NOTCH3: variants seen among roughly 807,000 people sequenced by gnomAD.
The protein encoded by NOTCH3 is neurogenic locus notch homolog protein 3.
NOTCH3 carries 86 observed loss-of-function variants against 213.3 expected under a neutral mutation model. The ratio of observed to expected loss-of-function variants is 0.40; its 90% CI spans 0.34 to 0.48. NOTCH3 has a LOEUF of 0.48. NOTCH3 is among the 20% of genes least tolerant of loss of function. NOTCH3 has a pLI of 0.57. For synonymous variants in NOTCH3, 1,354 were observed against 1,355.9 expected (o/e 1.00, Z 0.03); for missense variants, 2,783 against 3,272.6 (o/e 0.85, Z 3.65).
rs752977489 is a variant in NOTCH3 at position 15,161,624 on chromosome 19, C to T, written c.6004G>A (p.Asp2002Asn). 43 of 1,613,312 alleles carry T rather than the reference C, an allele frequency of 2.7e-5. No individual in the cohort carries two copies. The highest frequency in any genetic ancestry group is 4.4e-5 in the South Asian group (4 of 90,888). The change falls in exon 33 of 33, where the codon GAC becomes AAC. Residue 2002 changes from aspartate to asparagine, a missense_variant. Coordinates refer to ENST00000263388, the MANE Select transcript of NOTCH3 (RefSeq NM_000435.3). ...TCCCGCGGCAGCCTGTCCAGGTGGT[C>T]GGTGATCTCACGGTTGGCAAAGTGG... Reference protein sequence around the residue: ...LDHFANREITDHLDRLPRDVA... With the variant: ...LDHFANREITNHLDRLPRDVA...
chr19:15,186,890 G>C lies in NOTCH3; in HGVS notation c.1939C>G (p.Pro647Ala), dbSNP rs774799703. ...GCCACTTGCCCACCTGTGAAGCCAG[G>C]TTGGCAGACACAGTCGTAGCGGTTG... ...GINRYDCVCQ[P>A]GFTGPLCNVE... The change falls in exon 12 of 33, where the codon CCT (proline) becomes GCT (alanine). Residue 647 changes from proline (P) to alanine (A), a missense_variant. Pro to Ala is a conservative substitution (Grantham distance 27, BLOSUM62 -1). Transcript: ENST00000263388. 6.2e-7 allele frequency: 1 copy of C among 1,614,110 alleles called. No individual in the cohort carries two copies.
intron 1 of NOTCH3, 25 bp downstream of exon 1, chr19:15,200,763 C>G (rs770676431): frequency 1.6e-6 from 2 of 1,281,506 alleles, no homozygotes; most frequent in Non-Finnish European, 2.0e-6. Context: ...GCCCTCGTCC[C>G]ATCCGCCAGG....
rs1275632781 is a variant in NOTCH3, at chr19:15,174,126, G to A, written c.4678C>T (p.Arg1560Trp). ...CGGGGTTCGGAGCCAGGACTAGGCC[G>A]GTGGTAAGGGAAGACCATGGCCTGG... is the stretch of plus-strand genomic sequence containing the variant. ...HGQAMVFPYH[R>W]PSPGSEPRAR... Residue 1560 changes from arginine (R) to tryptophan (W), a missense_variant, in exon 25 of 33, where the codon CGG (arginine) becomes TGG (tryptophan). Physicochemically the swap from Arg to Trp is moderately radical, Grantham distance 101. Transcript: ENST00000263388. The A allele has an allele frequency of 1.2e-6, 2 of 1,604,138 alleles. No individual in the cohort carries two copies. The highest frequency in any genetic ancestry group is 8.5e-7 in the Non-Finnish European group (1 of 1,174,134).
Position 15,177,833 on chromosome 19 carries a change from C to A in NOTCH3, c.4095G>T (p.Gln1365His), listed in dbSNP as rs2145415099. ...CCTCGCAGCGCGGCCCGGTCCAGCCCTGCGCGCAAGCGCAGCGGAAGAAGG... is the reference window on the plus strand; with the variant it reads ...CCTCGCAGCGCGGCCCGGTCCAGCCATGCGCGCAAGCGCAGCGGAAGAAGG... ...LAPFFRCACA[Q>H]GWTGPRCEAP... Residue 1365 changes from glutamine to histidine, a missense_variant, in exon 24 of 33, where the codon CAG becomes CAT. Gln to His is a conservative substitution (Grantham distance 24). Coordinates refer to ENST00000263388, the MANE Select transcript of NOTCH3 (RefSeq NM_000435.3). 8.2e-7 allele frequency: 1 copy of A among 1,223,664 alleles called. No individual in the cohort carries two copies. The highest frequency in any genetic ancestry group is 1.0e-6 in the Non-Finnish European group (1 of 984,758). 75.8% of individuals were successfully genotyped at this position (1,223,664 alleles called of 1,614,324 possible). A position where few individuals can be genotyped will look rare whatever the true frequency, so the allele number is the denominator to read the frequency against.
Position 15,170,516 on chromosome 19 carries a change from C to A in NOTCH3, c.4929G>T (p.Leu1643=), listed in dbSNP as rs1434405350. The change falls in exon 27 of 33, where the codon CTG becomes CTT. Residue 1643 remains leucine (L), a synonymous_variant. Coordinates refer to ENST00000263388, the MANE Select transcript of NOTCH3 (RefSeq NM_000435.3). ...PLEPPEPSVP[L]LPLLVAGAVL... ...CAGCGCCCGCCACTAGCAGTGGCAGCAGCGGGACGCTGGGTTCTGGAGGCT... is the reference window on the plus strand; with the variant it reads ...CAGCGCCCGCCACTAGCAGTGGCAGAAGCGGGACGCTGGGTTCTGGAGGCT... The A allele has an allele frequency of 6.2e-7, 1 of 1,610,228 alleles. No individual in the cohort carries two copies. The highest frequency in any genetic ancestry group is 8.5e-7 in the Non-Finnish European group (1 of 1,179,930).
intron 27 of NOTCH3, 59 bp from the exon 28 acceptor site, chr19:15,170,229 G>A (rs2145399615): frequency 6.6e-7 from 1 of 1,507,710 alleles, no homozygotes. Context: ...CAGCTGGGAA[G>A]GAGGATTTGG....
Position 15,165,624 on chromosome 19 carries a change from T to C in NOTCH3, c.5668-109A>G, listed in dbSNP as rs1435200504. On this transcript the variant is annotated intron_variant, in intron 30 of 32. Coordinates refer to ENST00000263388, the MANE Select transcript of NOTCH3 (RefSeq NM_000435.3). The surrounding 1 kb of genome is among the most constrained non-coding windows in gnomAD (Gnocchi z 4.7). ...AACCCCCATACCCCAACCCCTGAAA[T>C]TGGTGAGGTTCAGGGAGCAGCTGCT... The C allele has an allele frequency of 1.1e-5, 9 of 847,144 alleles. No individual in the cohort carries two copies. Among genetic ancestry groups the C allele is most frequent in the South Asian group, 1.4e-5 (1 of 69,598 alleles). 52.5% of individuals were successfully genotyped at this position (847,144 alleles called of 1,614,324 possible). A position where few individuals can be genotyped will look rare whatever the true frequency, so the allele number is the denominator to read the frequency against.
At chr19:15,173,054 CTCTTCTTCTTCTTCT>C (rs1219069116) in intron 25 of NOTCH3, among the ~76,000 whole-genome samples, 2 of 5,526 alleles carry the variant, frequency 3.6e-4, no homozygotes, top group African/African-American at 1.9e-3. Context: ...TCCCTCCTCC[CTCTTCTTCTTCTTCT>C]TCTTCTTCTT....
At chr19:15,197,599 G>GT in intron 1 of NOTCH3, 21 bp from the exon 2 acceptor site, 2 of 1,609,222 alleles carry the variant, frequency 1.2e-6, no homozygotes, top group Non-Finnish European at 1.7e-6. Flanking sequence ...GTGAAGGAAG[G>GT]TGGAGGATCA....
intron 27 of NOTCH3, 37 bp from the exon 28 acceptor site, chr19:15,170,207 A>ACCT: frequency 6.5e-7 from 1 of 1,533,190 alleles, no homozygotes; most frequent in Non-Finnish European, 9.0e-7. Context: ...TGAGGGGGAC[A>ACCT]CTAGAGGTGT....
chr19:15,174,391 G>A lies in NOTCH3; in HGVS notation c.4413C>T (p.Tyr1471=), dbSNP rs920286007. 78 of 1,526,706 alleles carry A rather than the reference G, an allele frequency of 5.1e-5. No homozygotes were observed. The highest frequency in any genetic ancestry group is 6.6e-5 in the Non-Finnish European group (75 of 1,131,530). 94.6% of individuals were successfully genotyped at this position (1,526,706 alleles called of 1,614,324 possible). The part of the protein sequence containing the change: ...GGRERTCNPV[Y]EKYCADHFAD... ...CAAAGTGGTCGGCGCAGTACTTCTC[G>A]TACACCGGGCTGGTGGGGAAGGGTG... The change falls in exon 25 of 33, where the codon TAC becomes TAT. Residue 1471 remains tyrosine (Y), a synonymous_variant. Coordinates refer to ENST00000263388, the MANE Select transcript of NOTCH3 (RefSeq NM_000435.3).
chr19:15,174,383 T>G lies in NOTCH3; in HGVS notation c.4421A>C (p.Tyr1474Ser), dbSNP rs2046769561. ...ERTCNPVYEK[Y>S]CADHFADGRC... is the part of the protein sequence containing the mutation. Reference sequence around the variant, plus strand: ...GCCGTCGGCAAAGTGGTCGGCGCAGTACTTCTCGTACACCGGGCTGGTGGG... The same window carrying G: ...GCCGTCGGCAAAGTGGTCGGCGCAGGACTTCTCGTACACCGGGCTGGTGGG... The change falls in exon 25 of 33, where the codon TAC becomes TCC. Residue 1474 changes from tyrosine to serine, a missense_variant. Physicochemically the swap from Tyr to Ser is moderately radical, Grantham distance 144. Transcript: ENST00000263388. 2 of 1,532,352 alleles carry G rather than the reference T, an allele frequency of 1.3e-6. No individual in the cohort carries two copies. Among genetic ancestry groups the G allele is most frequent in the Non-Finnish European group, 8.8e-7 (1 of 1,134,630 alleles). 94.9% of individuals were successfully genotyped at this position (1,532,352 alleles called of 1,614,324 possible).
In NOTCH3 at chr19:15,185,103, G is replaced by C. The variant is rs962838072; in HGVS notation, c.2297-84C>G. 5.8e-5 allele frequency: 74 copies of C among 1,266,596 alleles called. No homozygotes were observed. Among genetic ancestry groups the C allele is most frequent in the Non-Finnish European group, 7.8e-5 (71 of 907,682 alleles). 78.5% of individuals were successfully genotyped at this position (1,266,596 alleles called of 1,614,324 possible). A position where few individuals can be genotyped will look rare whatever the true frequency, so the allele number is the denominator to read the frequency against. Reference sequence around the variant, plus strand: ...CTCCCCCCACCTCCCCCAACCCCAGGGTCCCCACCTTGATACCCACCTCCC... The same window carrying C: ...CTCCCCCCACCTCCCCCAACCCCAGCGTCCCCACCTTGATACCCACCTCCC... On this transcript the variant is annotated intron_variant, in intron 14 of 32. Coordinates refer to ENST00000263388, the MANE Select transcript of NOTCH3 (RefSeq NM_000435.3). The surrounding 1 kb of genome is among the most constrained non-coding windows in gnomAD (Gnocchi z 4.2).
In NOTCH3 at chr19:15,159,791, A is replaced by C. The variant is rs2046624378; in HGVS notation, c.*871T>G. The stretch of plus-strand genomic sequence containing the variant: ...TGCCATGAGGCTGGGCCAGAGGATT[A>C]CCAGGAAGAGAAAGTACCACTCAGG... On this transcript the variant is annotated 3_prime_UTR_variant, in exon 33 of 33. Coordinates refer to ENST00000263388, the MANE Select transcript of NOTCH3 (RefSeq NM_000435.3). The C allele has an allele frequency of 4.3e-6, 1 of 233,434 alleles. No homozygotes were observed. Among genetic ancestry groups the C allele is most frequent in the African/African-American group, 2.2e-5 (1 of 45,352 alleles). The allele number at this position is 233,434 out of a possible 1,614,324, so 14.5% of individuals were successfully genotyped here. A position where few individuals can be genotyped will look rare whatever the true frequency, so the allele number is the denominator to read the frequency against.
At position 15,170,648 on chromosome 19, in the gene NOTCH3, C is replaced by G. The variant is rs56277836; in HGVS notation, c.4891+23G>C. 0.087 allele frequency: 134,459 copies of G among 1,552,412 alleles called. 6,508 individuals carry two copies. Among genetic ancestry groups the G allele is most frequent in the Admixed American group, 0.14 (7,204 of 51,930 alleles). ...CGCCCCCAGCTCCGCCCCCGCCACC[C>G]CCTCCCCAAGGCAGGGCCGCACCCC... is the stretch of plus-strand genomic sequence containing the variant. On this transcript the variant is annotated intron_variant, in intron 26 of 32. Transcript: ENST00000263388.
rs1209610920 is a variant in NOTCH3 at position 15,178,878 on chromosome 19, C to T, written c.3782G>A (p.Cys1261Tyr). 1 of 1,610,978 alleles carries T rather than the reference C, an allele frequency of 6.2e-7. No homozygotes were observed. Among genetic ancestry groups the T allele is most frequent in the Non-Finnish European group, 8.5e-7 (1 of 1,178,748 alleles). Residue 1261 changes from cysteine to tyrosine, a missense_variant, in exon 23 of 33, where the codon TGC (cysteine) becomes TAC (tyrosine). Physicochemically the swap from Cys to Tyr is radical, Grantham distance 194 (BLOSUM62 -2). Around this residue, in one of 6 missense-constraint regions of NOTCH3, gnomAD observed 861 missense variants for 909.1 expected, o/e 0.95. Transcript: ENST00000263388. ...ACCCCCAGGACCCGGGCTAGGACGG[C>T]ACTGGCCTCCATGCTGGCATGGCTG... is the stretch of plus-strand genomic sequence containing the variant. ...ESQPCQHGGQ[C>Y]RPSPGPGGGL...
chr19:15,169,182 ATCTGTCTCTCTCTCTC>A (rs2046709243), intron 28 of NOTCH3, among the ~76,000 whole-genome samples: 1 of 125,422 alleles, frequency 8.0e-6, no homozygotes, highest in Non-Finnish European at 1.6e-5. Flanking sequence ...GGGATGTCAA[ATCTGTCTCTCTCTCTC>A]TCTCTCTCTC....
intron 2 of NOTCH3, among the ~76,000 whole-genome samples, chr19:15,193,771 A>AAAT (rs1568362633): frequency 1.8e-5 from 1 of 55,522 alleles, no homozygotes; most frequent in Non-Finnish European, 4.4e-5. Context: ...ACTCCATCTC[A>AAAT]AAAAAAAACA....
At chr19:15,200,040 G>A (rs2046999443) in intron 1 of NOTCH3, among the ~76,000 whole-genome samples, 1 of 91,454 alleles carries the variant, frequency 1.1e-5, no homozygotes. Flanking sequence ...AGGGGAGGGA[G>A]GAGAGGAGGA....
Sources: allele counts gnomAD v4.1 joint callset (sites outside exome capture counted in the v4.1 genomes callset), GRCh38; gene constraint gnomAD v4.1.1; regional missense constraint gnomAD v4.1.1; non-coding constraint Gnocchi (gnomAD v3.1); transcripts MANE v1.5; gene names NCBI Gene and HGNC (gene_info 2026-07-23, HGNC 2026-07-21).